The following MCC variants were observed in gnomAD, a reference collection of about 807,000 sequenced individuals.
MCC encodes colorectal mutant cancer protein.
Under a neutral mutation model 116.2 loss-of-function variants are expected in MCC, and 90 were observed. The observed-to-expected ratio is 0.77, with a 90% CI of 0.65 to 0.92. MCC has a LOEUF of 0.92. Ranked by LOEUF, MCC falls within the 40% of genes least tolerant of loss-of-function variation. MCC has a pLI of 0.00. For synonymous variants in MCC, 578 were observed against 510.5 expected (o/e 1.13, Z -1.78); for missense variants, 1,516 against 1,312.2 (o/e 1.16, Z -2.40).
chr5:113,294,802 G>A (rs948412196), intron 3 of MCC: 1 of 986,800 alleles, frequency 1.0e-6, no homozygotes, highest in Non-Finnish European at 1.2e-6. Context: ...GGGCACCGGC[G>A]AGCTCCCGAA....
Position 113,027,245 on chromosome 5 carries a change from CCAGTGGCCTGCTG to C in MCC, c.*44_*56del. ...AACAAGTACATGGGCCCTTCTGTCC[CCAGTGGCCTGCTG>C]CAGTTTACTTCCCATGGGCAGAACT... On this transcript the variant is annotated 3_prime_UTR_variant, in exon 19 of 19. Coordinates refer to ENST00000408903, the MANE Select transcript of MCC (RefSeq NM_001085377.2). The C allele has an allele frequency of 6.3e-7, 1 of 1,578,106 alleles. No homozygotes were observed. Among genetic ancestry groups the C allele is most frequent in the Non-Finnish European group, 8.7e-7 (1 of 1,155,976 alleles).
intron 1 of MCC, among the ~76,000 whole-genome samples, chr5:113,486,032 C>A (rs1561596882): frequency 6.6e-6 from 1 of 152,126 alleles, no homozygotes; most frequent in Non-Finnish European, 1.5e-5. Context: ...ATTTAATGCC[C>A]CTTACCTTCA....
At chr5:113,117,477 C>T (rs1021223814) in intron 6 of MCC, among the ~76,000 whole-genome samples, 5 of 152,324 alleles carry the variant, frequency 3.3e-5, no homozygotes, top group African/African-American at 1.2e-4. Flanking sequence ...GTATAAACCT[C>T]AACCCTCAGG....
At chr5:113,145,789 C>T (rs1386355801) in intron 4 of MCC, among the ~76,000 whole-genome samples, 1 of 40,942 alleles carries the variant, frequency 2.4e-5, no homozygotes, top group Non-Finnish European at 5.0e-5. Flanking sequence ...CACACAAACA[C>T]ACACACACAC....
chr5:113,122,558 G>A (rs952205726), intron 6 of MCC, 126 bp downstream of exon 6: 5 of 1,026,962 alleles, frequency 4.9e-6, no homozygotes, highest in African/African-American at 4.9e-5. Context: ...AAATACATGT[G>A]ACTTCATCCA....
chr5:113,366,774 T>C (rs79827133), intron 2 of MCC, among the ~76,000 whole-genome samples: 14,847 of 152,198 alleles, frequency 0.098, 1,157 homozygotes, highest in African/African-American at 0.21. Flanking sequence ...GTTAAAAATA[T>C]AGTTATTTCA....
chr5:113,472,339 C>A (rs1356797414), intron 1 of MCC, among the ~76,000 whole-genome samples: 1 of 152,216 alleles, frequency 6.6e-6, no homozygotes, highest in African/African-American at 2.4e-5. Flanking sequence ...CTTCTTGCAA[C>A]AAACTTACCC....
chr5:113,407,245 T>C (rs973102334), intron 1 of MCC, among the ~76,000 whole-genome samples: 2 of 152,240 alleles, frequency 1.3e-5, no homozygotes, highest in East Asian at 1.9e-4. Context: ...TGAGACTGAG[T>C]TCAAAATCTA....
At chr5:113,314,828 C>A (rs1767240482) in intron 3 of MCC, among the ~76,000 whole-genome samples, 1 of 151,946 alleles carries the variant, frequency 6.6e-6, no homozygotes, top group African/African-American at 2.4e-5. Flanking sequence ...CCTCAGTTGA[C>A]CCACCTGCCT....
intron 6 of MCC, among the ~76,000 whole-genome samples, chr5:113,105,629 T>C (rs1002878683): frequency 6.6e-6 from 1 of 152,176 alleles, no homozygotes; most frequent in Admixed American, 6.5e-5. Context: ...ATCCAATTCA[T>C]CTTGTGACCA....
At chr5:113,158,517 T>A (rs1373215) in intron 3 of MCC, among the ~76,000 whole-genome samples, 1 of 152,038 alleles carries the variant, frequency 6.6e-6, no homozygotes. Flanking sequence ...GAATTCCAGG[T>A]CACCAGGCAG....
At chr5:113,056,041 C>T (rs988414611) in intron 14 of MCC, among the ~76,000 whole-genome samples, 3 of 152,170 alleles carry the variant, frequency 2.0e-5, no homozygotes, top group East Asian at 1.9e-4. Context: ...TCACTGTTTG[C>T]GATTTACTAG....
chr5:113,030,130 G>A (rs1224419116), intron 17 of MCC, among the ~76,000 whole-genome samples: 3 of 152,194 alleles, frequency 2.0e-5, no homozygotes. Flanking sequence ...AAATTTGCAT[G>A]ATTAATTTAT....
chr5:113,196,628 T>C (rs1295421185), intron 3 of MCC, among the ~76,000 whole-genome samples: 4 of 152,166 alleles, frequency 2.6e-5, no homozygotes, highest in South Asian at 4.1e-4. Context: ...AGGTGGGAGA[T>C]AATGAGGTCA....
At chr5:113,445,618 C>T (rs1771189768) in intron 1 of MCC, among the ~76,000 whole-genome samples, 1 of 152,086 alleles carries the variant, frequency 6.6e-6, no homozygotes, top group Non-Finnish European at 1.5e-5. Flanking sequence ...AAAAATATTC[C>T]ATGCTCATGG....
At chr5:113,147,824 C>T (rs1302732921) in intron 4 of MCC, among the ~76,000 whole-genome samples, 1 of 152,124 alleles carries the variant, frequency 6.6e-6, no homozygotes, top group African/African-American at 2.4e-5. Context: ...GCGACCCTAA[C>T]AAAAATACAT....
intron 1 of MCC, among the ~76,000 whole-genome samples, chr5:113,410,551 C>G (rs1769958776): frequency 6.6e-6 from 1 of 152,148 alleles, no homozygotes; most frequent in African/African-American, 2.4e-5. Context: ...GTTTAAATAT[C>G]TGACACTGCG....
chr5:113,351,466 C>T (rs1768266334), intron 2 of MCC, among the ~76,000 whole-genome samples: 1 of 152,026 alleles, frequency 6.6e-6, no homozygotes, highest in South Asian at 2.1e-4. Context: ...CATGTTCTCA[C>T]TTATTTGTAG....
At chr5:113,078,650 G>A (rs548259047) in intron 11 of MCC, among the ~76,000 whole-genome samples, 4 of 152,222 alleles carry the variant, frequency 2.6e-5, no homozygotes, top group African/African-American at 4.8e-5. Context: ...GTATTGATGG[G>A]ACGTATCTCA....
Sources: allele counts gnomAD v4.1 joint callset (sites outside exome capture counted in the v4.1 genomes callset), GRCh38; gene constraint gnomAD v4.1.1; transcripts MANE v1.5; gene names NCBI Gene and HGNC (gene_info 2026-07-23, HGNC 2026-07-21).